The following LZTFL1 variants were observed in gnomAD, a reference collection of about 807,000 sequenced individuals.
LZTFL1 encodes the protein leucine zipper transcription factor like 1, also known as leucine zipper transcription factor-like protein 1.
A neutral mutation model predicts 45.9 loss-of-function variants in LZTFL1; 25 were observed. That is an observed-to-expected ratio of 0.54 (90% CI 0.40 to 0.76). LZTFL1 has a LOEUF of 0.76. Among genes scored for constraint, LZTFL1 ranks in the 30% least tolerant of loss-of-function variants. LZTFL1 has a pLI of 0.00. For missense variants in LZTFL1, 277 were observed against 331.1 expected (o/e 0.84, Z 1.27); for synonymous variants, 93 against 117.4 (o/e 0.79, Z 1.35).
rs1298138308 is a variant in LZTFL1, at chr3:45,847,196, A to G, written c.-49+7790T>C. ...CCCTTTGCCCCTGTTCTTATTTTGC[A>G]TATCTACAATCTCTTTCATGGTTTC... is the stretch of plus-strand genomic sequence containing the variant. On this transcript the variant is annotated intron_variant, in intron 4 of 4. Transcript: ENST00000472635. Among the ~76,000 whole-genome samples the G allele has an allele frequency of 4.6e-5, 7 of 152,200 alleles. No individual in the cohort carries two copies. The East Asian group carries it at 7.7e-4, about 17-fold the overall frequency.
intron 2 of LZTFL1, chr3:45,902,045 TTTGCCAAAG>T: frequency 1.4e-6 from 1 of 727,886 alleles, no homozygotes; most frequent in Non-Finnish European, 2.2e-6. Context: ...GTAGTCAGAA[TTTGCCAAAG>T]CAAATATTTC....
At chr3:45,878,598 A>G (rs1701793639) in intron 2 of LZTFL1, among the ~76,000 whole-genome samples, 1 of 150,630 alleles carries the variant, frequency 6.6e-6, no homozygotes, top group African/African-American at 2.4e-5. Context: ...CCTCAAGTAA[A>G]AAAAAAAAAA....
chr3:45,900,120 G>C lies in LZTFL1; in HGVS notation c.-215+13000C>G, dbSNP rs1012041744. 6.6e-6 allele frequency among the ~76,000 whole-genome samples: 1 copy of C among 152,150 alleles called. No individual in the cohort carries two copies. Among genetic ancestry groups the C allele is most frequent in the Non-Finnish European group, 1.5e-5 (1 of 68,016 alleles). ...GTGCAACCCACACAGTCACATAGGG[G>C]CCCTGTGCTTAGAAGTGCTGCTTGT... On this transcript the variant is annotated intron_variant, in intron 2 of 4. Transcript: ENST00000472635. The surrounding 1 kb of genome is among the most constrained non-coding windows in gnomAD (Gnocchi z 4.7).
chr3:45,842,267 T>G (rs975867916), upstream of LZTFL1: 37 of 1,077,186 alleles, frequency 3.4e-5, no homozygotes, highest in Admixed American at 2.1e-4. Context: ...TTTGTGCCAG[T>G]TCACTTTTGG....
intron 2 of LZTFL1, among the ~76,000 whole-genome samples, chr3:45,865,076 T>C (rs1559413211): frequency 6.6e-6 from 1 of 152,198 alleles, no homozygotes. Context: ...ACATTTCCAC[T>C]GACCGTTCTA....
At chr3:45,860,706 A>T (rs1701471870) in intron 2 of LZTFL1, among the ~76,000 whole-genome samples, 1 of 152,216 alleles carries the variant, frequency 6.6e-6, no homozygotes, top group African/African-American at 2.4e-5. Flanking sequence ...AAAACGAATG[A>T]TGAAGACAGG....
At chr3:45,908,666 G>GCC (rs1702728984) in intron 2 of LZTFL1, among the ~76,000 whole-genome samples, 2 of 152,140 alleles carry the variant, frequency 1.3e-5, no homozygotes, top group Non-Finnish European at 2.9e-5. Context: ...GTGTGCCAAG[G>GCC]CCCCGCACCA....
chr3:45,890,515 C>T (rs1425350480), intron 2 of LZTFL1, among the ~76,000 whole-genome samples: 1 of 150,352 alleles, frequency 6.7e-6, no homozygotes, highest in Non-Finnish European at 1.5e-5. Flanking sequence ...TAATGCTCAG[C>T]TCCAAAGTGG....
intron 2 of LZTFL1, chr3:45,883,692 G>A (rs1253383886): frequency 1.8e-6 from 1 of 567,722 alleles, no homozygotes; most frequent in Non-Finnish European, 3.3e-6. Context: ...ATAGTTGAAA[G>A]AGCAAAGCCC....
intron 5 of LZTFL1, among the ~76,000 whole-genome samples, chr3:45,831,675 T>C (rs1700823868): frequency 6.6e-6 from 1 of 152,218 alleles, no homozygotes; most frequent in African/African-American, 2.4e-5. Flanking sequence ...CACTGCACTC[T>C]GTTTCAAGTC....
intron 2 of LZTFL1, among the ~76,000 whole-genome samples, chr3:45,890,308 T>TATATATATAAATATATATAACATAA (rs1559421504): frequency 1.0e-4 from 8 of 77,352 alleles, no homozygotes; most frequent in East Asian, 2.9e-4. Context: ...ATATAACATA[T>TATATATATAAATATATATAACATAA]ATATATATTT....
In LZTFL1 at chr3:45,835,787, G is replaced by A. The variant is rs1700952450; in HGVS notation, c.129-3C>T. 1.3e-6 allele frequency: 2 copies of A among 1,583,198 alleles called. No individual in the cohort carries two copies. Among genetic ancestry groups the A allele is most frequent in the Admixed American group, 1.8e-5 (1 of 56,726 alleles). On this transcript the variant is annotated splice_polypyrimidine_tract_variant and splice_region_variant and intron_variant, in intron 2 of 9. Transcript: ENST00000296135. Reference sequence around the variant, plus strand: ...TGGTGAAGGTGTCCTCCACCAGCCTGAAAAACAACCATGATCCAAAACTTA... The same window carrying A: ...TGGTGAAGGTGTCCTCCACCAGCCTAAAAAACAACCATGATCCAAAACTTA...
At chr3:45,897,577 C>T in intron 2 of LZTFL1, 1 of 1,535,830 alleles carries the variant, frequency 6.5e-7, no homozygotes, top group Non-Finnish European at 8.7e-7. Context: ...CCAGGCCCCG[C>T]TCCAGATCAC....
At chr3:45,869,490 G>A (rs928156324) in intron 2 of LZTFL1, among the ~76,000 whole-genome samples, 1 of 152,144 alleles carries the variant, frequency 6.6e-6, no homozygotes, top group African/African-American at 2.4e-5. Context: ...ATATTACCCT[G>A]GGCCCCCAAG....
At chr3:45,868,178 T>A (rs1701608990) in intron 2 of LZTFL1, among the ~76,000 whole-genome samples, 1 of 98,338 alleles carries the variant, frequency 1.0e-5, no homozygotes. Flanking sequence ...ATAATAAAAA[T>A]ATATATATAT....
intron 2 of LZTFL1, among the ~76,000 whole-genome samples, chr3:45,876,309 C>T (rs982286333): frequency 1.3e-5 from 2 of 152,142 alleles, no homozygotes; most frequent in African/African-American, 4.8e-5. Flanking sequence ...GAATGATGTT[C>T]CTGCATTGGT....
chr3:45,842,847 G>C (rs956472841), upstream of LZTFL1, among the ~76,000 whole-genome samples: 1 of 152,148 alleles, frequency 6.6e-6, no homozygotes, highest in Non-Finnish European at 1.5e-5. Context: ...GATGTTCCAG[G>C]AGTGATCACA....
intron 1 of LZTFL1, chr3:45,915,289 T>C (rs1183533175): frequency 6.8e-6 from 2 of 294,476 alleles, no homozygotes; most frequent in South Asian, 3.0e-5. Context: ...GCCCTTTCTG[T>C]TACCCCTCTT....
chr3:45,901,977 G>C lies in LZTFL1; in HGVS notation c.-215+11143C>G. 1.7e-6 allele frequency: 2 copies of C among 1,164,546 alleles called. No homozygotes were observed. The highest frequency in any genetic ancestry group is 2.4e-6 in the Non-Finnish European group (2 of 823,992). 72.1% of individuals were successfully genotyped at this position (1,164,546 alleles called of 1,614,324 possible). ...CAGTTTCCCCACTGATGGGACCAGA[G>C]AGAGTGAAAGAGAAAAGAAAACTCA... On this transcript the variant is annotated intron_variant, in intron 2 of 4. Transcript: ENST00000472635. This position sits in a 1 kb window ranked among gnomAD's most constrained non-coding sequence, Gnocchi z 4.3.
Sources: allele counts gnomAD v4.1 joint callset (sites outside exome capture counted in the v4.1 genomes callset), GRCh38; gene constraint gnomAD v4.1.1; non-coding constraint Gnocchi (gnomAD v3.1); transcripts MANE v1.5; gene names NCBI Gene and HGNC (gene_info 2026-07-23, HGNC 2026-07-21).